BRCA1: variants seen among roughly 807,000 people sequenced by gnomAD.
BRCA1 encodes breast cancer type 1 susceptibility protein.
In BRCA1, 140 loss-of-function variants were observed where a neutral mutation model predicts 173.7. That is an observed-to-expected ratio of 0.81 (90% confidence interval 0.70 to 0.93). BRCA1 has a LOEUF of 0.93. Among genes scored for constraint, BRCA1 ranks in the 40% least tolerant of loss-of-function variants. The pLI, the probability that BRCA1 is intolerant of heterozygous loss-of-function variation, is 0.00. For synonymous variants in BRCA1, 662 were observed against 756.0 expected (o/e 0.88, Z 2.04); for missense variants, 1,983 against 2,172.5 (o/e 0.91, Z 1.73).
At chr17:43,113,105 A>C (rs1943144140) in intron 3 of BRCA1, among the ~76,000 whole-genome samples, 1 of 150,786 alleles carries the variant, frequency 6.6e-6, no homozygotes, top group South Asian at 2.1e-4. Context: ...GCCCGGCCTC[A>C]ACAGCTGTCT....
At chr17:43,058,394 A>G (rs1452168263) in intron 18 of BRCA1, among the ~76,000 whole-genome samples, 5 of 152,178 alleles carry the variant, frequency 3.3e-5, no homozygotes. Flanking sequence ...ACACACACAC[A>G]CACATAAAAC....
intron 1 of BRCA1, among the ~76,000 whole-genome samples, chr17:43,141,564 C>G (rs1032799853): frequency 5.3e-5 from 8 of 151,916 alleles, no homozygotes; most frequent in Non-Finnish European, 8.8e-5. Context: ...ACCTGTAATC[C>G]AGCACTTTGG....
chr17:43,061,553 C>T (rs934448716), intron 18 of BRCA1, among the ~76,000 whole-genome samples: 9 of 151,230 alleles, frequency 6.0e-5, no homozygotes, highest in Non-Finnish European at 1.0e-4. Flanking sequence ...ATTATGAATA[C>T]ATCGAATTGT....
intron 4 of BRCA1, among the ~76,000 whole-genome samples, chr17:43,106,118 T>TAAAAA (rs766678487): frequency 8.0e-6 from 1 of 124,492 alleles, no homozygotes; most frequent in Non-Finnish European, 1.7e-5. Context: ...GACCCTGTCT[T>TAAAAA]AAAAAAAAAA....
At chr17:43,110,184 G>A (rs1320097063) in intron 3 of BRCA1, among the ~76,000 whole-genome samples, 3 of 152,026 alleles carry the variant, frequency 2.0e-5, no homozygotes, top group Admixed American at 6.6e-5. Context: ...GTGAGCCACC[G>A]CACCCGGCCT....
At chr17:43,147,273 T>C (rs1229665090) in intron 1 of BRCA1, among the ~76,000 whole-genome samples, 1 of 152,154 alleles carries the variant, frequency 6.6e-6, no homozygotes, top group Non-Finnish European at 1.5e-5. Flanking sequence ...CACGGCAAGC[T>C]CTGCCTTCCA....
intron 1 of BRCA1, chr17:43,160,174 T>TG (rs1338892888): frequency 6.6e-6 from 1 of 152,044 alleles, no homozygotes; most frequent in Non-Finnish European, 1.5e-5. Flanking sequence ...CCCAAGCAGC[T>TG]GGGACTACAG....
chr17:43,108,678 C>T (rs1475598667), intron 3 of BRCA1, among the ~76,000 whole-genome samples: 1 of 144,972 alleles, frequency 6.9e-6, no homozygotes, highest in Admixed American at 7.0e-5. Context: ...CTGCACTCCA[C>T]CCTGGGCAAC....
chr17:43,115,969 C>T lies in BRCA1; in HGVS notation c.81-190G>A, dbSNP rs188280742. On this transcript the variant is annotated intron_variant, in intron 2 of 22. Transcript: ENST00000357654. ...CTGAGAATACAGCAGAGAATACGATCCTTACCTTCAGTGAGCTTTCAGATA... is the reference window on the plus strand; with the variant it reads ...CTGAGAATACAGCAGAGAATACGATTCTTACCTTCAGTGAGCTTTCAGATA... Among the ~76,000 whole-genome samples the T allele has an allele frequency of 7.2e-5, 11 of 152,272 alleles. No individual in the cohort carries two copies. The East Asian group carries it at 2.1e-3, about 29-fold the overall frequency.
At chr17:43,157,208 G>T (rs185761685) in intron 1 of BRCA1, among the ~76,000 whole-genome samples, 3 of 152,286 alleles carry the variant, frequency 2.0e-5, no homozygotes, top group Admixed American at 6.5e-5. Context: ...GGAATTTTAG[G>T]TCAAGAAACC....
chr17:43,100,198 G>T (rs1171524914), intron 6 of BRCA1, among the ~76,000 whole-genome samples: 1 of 151,960 alleles, frequency 6.6e-6, no homozygotes, highest in African/African-American at 2.4e-5. Context: ...AAATGTGTGG[G>T]ATATGTGTGA....
At chr17:43,136,064 G>A (rs1175049751) in intron 1 of BRCA1, among the ~76,000 whole-genome samples, 3 of 152,210 alleles carry the variant, frequency 2.0e-5, no homozygotes, top group Non-Finnish European at 2.9e-5. Context: ...AGACCAAGGC[G>A]GGAGGGTCAC....
chr17:43,097,906 A>G (rs550233933), intron 7 of BRCA1, among the ~76,000 whole-genome samples: 1 of 152,308 alleles, frequency 6.6e-6, no homozygotes, highest in South Asian at 2.1e-4. Flanking sequence ...GAAAACAGTA[A>G]GTGTTATGAT....
At chr17:43,103,449 A>G (rs1421408619) in intron 6 of BRCA1, among the ~76,000 whole-genome samples, 2 of 150,750 alleles carry the variant, frequency 1.3e-5, no homozygotes, top group Non-Finnish European at 3.0e-5. Flanking sequence ...CCTGGGCGAC[A>G]GAGCGAGACT....
chr17:43,062,756 C>A (rs911887616), intron 18 of BRCA1, among the ~76,000 whole-genome samples: 4 of 152,078 alleles, frequency 2.6e-5, no homozygotes, highest in Admixed American at 2.6e-4. Flanking sequence ...TGCCACCACG[C>A]TGAGTAATTT....
At chr17:43,067,095 G>C (rs1326377572) in intron 16 of BRCA1, among the ~76,000 whole-genome samples, 1 of 151,738 alleles carries the variant, frequency 6.6e-6, no homozygotes, top group Non-Finnish European at 1.5e-5. Flanking sequence ...TGAGATTACA[G>C]GTGTGAGCCA....
chr17:43,070,532 A>G (rs1471558606), intron 15 of BRCA1, among the ~76,000 whole-genome samples: 1 of 152,212 alleles, frequency 6.6e-6, no homozygotes, highest in Non-Finnish European at 1.5e-5. Flanking sequence ...GTACATTTGG[A>G]ACCAGTCTGA....
At chr17:43,153,485 T>C (rs1344007036) in intron 1 of BRCA1, 2 of 152,224 alleles carry the variant, frequency 1.3e-5, no homozygotes, top group African/African-American at 2.4e-5. Flanking sequence ...TGATGTAATA[T>C]ATGTCTCAAT....
chr17:43,099,622 T>C (rs1360092073), intron 7 of BRCA1, among the ~76,000 whole-genome samples, 153 bp downstream of exon 7: 3 of 152,136 alleles, frequency 2.0e-5, no homozygotes, highest in African/African-American at 7.2e-5. Flanking sequence ...ACTGCGTCTT[T>C]TACATTTTTT....
Sources: allele counts gnomAD v4.1 joint callset (sites outside exome capture counted in the v4.1 genomes callset), GRCh38; gene constraint gnomAD v4.1.1; transcripts MANE v1.5; gene names NCBI Gene and HGNC (gene_info 2026-07-23, HGNC 2026-07-21).